WASHC5: variants seen among roughly 807,000 people sequenced by gnomAD.
WASHC5 encodes the protein WASH complex subunit 5.
WASHC5 carries 101 observed loss-of-function variants against 150.4 expected under a neutral mutation model. The observed-to-expected ratio is 0.67, with a 90% confidence interval of 0.57 to 0.79. WASHC5 has a LOEUF of 0.79. WASHC5 is among the 30% of genes least tolerant of loss of function. WASHC5 has a pLI of 0.00. For missense variants in WASHC5, 1,195 were observed against 1,396.3 expected (o/e 0.86, Z 2.30); for synonymous variants, 467 against 491.2 (o/e 0.95, Z 0.65).
Position 125,032,371 on chromosome 8 carries a change from C to T in WASHC5, c.3205G>A (p.Asp1069Asn), listed in dbSNP as rs1163071228. The change falls in exon 27 of 29, where the codon GAC becomes AAC. Residue 1069 changes from aspartate to asparagine, a missense_variant. Physicochemically the swap from Asp to Asn is conservative, Grantham distance 23. Around this residue, in one of 3 missense-constraint regions of WASHC5, gnomAD observed 997 missense variants for 1,168.1 expected, o/e 0.85. Coordinates refer to ENST00000318410, the MANE Select transcript of WASHC5 (RefSeq NM_014846.4). ...ACAAGTGGTGGCCAATCAACCGGGTCGGTCGGTTTTCGGCAGACCATTCCT... is the reference window on the plus strand; with the variant it reads ...ACAAGTGGTGGCCAATCAACCGGGTTGGTCGGTTTTCGGCAGACCATTCCT... ...NLGMVCRKPT[D>N]PVDWPPLVLG... 8.7e-6 allele frequency: 14 copies of T among 1,613,958 alleles called. No homozygotes were observed. In the East Asian group the frequency reaches 8.9e-5, roughly 10 times the overall value.
rs774756574 is a variant in WASHC5, at chr8:125,043,849, A to C, written c.2826T>G (p.Thr942=). The C allele has an allele frequency of 6.2e-7, 1 of 1,611,888 alleles. No homozygotes were observed. Among genetic ancestry groups the C allele is most frequent in the Non-Finnish European group, 8.5e-7 (1 of 1,177,958 alleles). Reference sequence around the variant, plus strand: ...CCTTCATTATAGCCTCGAGATACGCAGTCCAAATCTTCTGTGTTTTGGCAA... The same window carrying C: ...CCTTCATTATAGCCTCGAGATACGCCGTCCAAATCTTCTGTGTTTTGGCAA... The part of the protein sequence containing the change: ...SAIAKTQKIW[T]AYLEAIMKVG... The change falls in exon 23 of 29, where the codon ACT becomes ACG. Residue 942 remains threonine (T), a synonymous_variant. Transcript: ENST00000318410.
rs750813507 is a variant in WASHC5 at position 125,082,336 on chromosome 8, A to G, written c.417+47T>C. The G allele has an allele frequency of 3.8e-6, 4 of 1,042,700 alleles. No individual in the cohort carries two copies. The African/African-American group carries it at 6.3e-5, about 17-fold the overall frequency. 64.6% of individuals were successfully genotyped at this position (1,042,700 alleles called of 1,614,324 possible). On this transcript the variant is annotated intron_variant, in intron 4 of 28. Coordinates refer to ENST00000318410, the MANE Select transcript of WASHC5 (RefSeq NM_014846.4). ...ACTTAAAAGAAAAAAAAGTGATACTATGTTTGATATTCTTGAATTTCATTT... is the reference window on the plus strand; with the variant it reads ...ACTTAAAAGAAAAAAAAGTGATACTGTGTTTGATATTCTTGAATTTCATTT...
At chr8:125,060,860 C>T (rs1816573229) in intron 12 of WASHC5, among the ~76,000 whole-genome samples, 1 of 152,106 alleles carries the variant, frequency 6.6e-6, no homozygotes, top group South Asian at 2.1e-4. Context: ...TTACATGTTT[C>T]CTCAAGTTAC....
rs538554067 is a variant in WASHC5, at chr8:125,077,394, G to A, written c.712-894C>T. 2.0e-5 allele frequency among the ~76,000 whole-genome samples: 3 copies of A among 152,314 alleles called. No homozygotes were observed. The South Asian group carries it at 6.2e-4, about 32-fold the overall frequency. The stretch of plus-strand genomic sequence containing the variant: ...CAAACTCCCAATTTTGCATGTTGTG[G>A]ATAAACTCCAATCCAGAAACTGTTT... On this transcript the variant is annotated intron_variant, in intron 6 of 28. Transcript: ENST00000318410.
chr8:125,030,880 T>C (rs751905632), intron 27 of WASHC5, among the ~76,000 whole-genome samples: 7 of 151,982 alleles, frequency 4.6e-5, no homozygotes, highest in Non-Finnish European at 1.0e-4. Context: ...CGGGAACAGG[T>C]GGAAGGGGCT....
At chr8:125,077,832 T>C (rs2130186377) in intron 6 of WASHC5, among the ~76,000 whole-genome samples, 1 of 152,322 alleles carries the variant, frequency 6.6e-6, no homozygotes, top group East Asian at 1.9e-4. Context: ...GACTGAATTC[T>C]CAATGAATGG....
intron 6 of WASHC5, among the ~76,000 whole-genome samples, chr8:125,077,913 CAA>C (rs1379024411): frequency 2.6e-5 from 4 of 152,138 alleles, no homozygotes; most frequent in African/African-American, 9.7e-5. Flanking sequence ...ACAACAACAA[CAA>C]CACCACCAAC....
intron 9 of WASHC5, 51 bp from the exon 10 acceptor site, chr8:125,067,770 A>G (rs1234280338): frequency 1.9e-6 from 3 of 1,566,412 alleles, no homozygotes; most frequent in Non-Finnish European, 2.6e-6. Context: ...GAAAATATCT[A>G]TGAAATAAGA....
At chr8:125,043,928 C>A (rs1210306738) in intron 22 of WASHC5, 24 bp from the exon 23 acceptor site, 1 of 1,600,568 alleles carries the variant, frequency 6.2e-7, no homozygotes, top group African/African-American at 1.4e-5. Flanking sequence ...ACATAATTTT[C>A]TCTTTAGTAC....
In WASHC5 at chr8:125,083,830, A is replaced by G. The variant is rs1462402847; in HGVS notation, c.69T>C (p.Asn23=). 6 of 1,614,074 alleles carry G rather than the reference A, an allele frequency of 3.7e-6. No homozygotes were observed. The East Asian group carries it at 8.9e-5, about 24-fold the overall frequency. Residue 23 remains asparagine, a synonymous_variant, in exon 2 of 29, where the codon AAT becomes AAC. Coordinates refer to ENST00000318410, the MANE Select transcript of WASHC5 (RefSeq NM_014846.4). ...GTCTCAAAAGTTCAGCAATGATGGC[A>G]TTACCACAGGAAACAATCCTTAGGA... ...QAILRIVSCG[N]AIIAELLRLS...
At chr8:125,033,234 T>G (rs1586334264) in intron 26 of WASHC5, among the ~76,000 whole-genome samples, 1 of 152,144 alleles carries the variant, frequency 6.6e-6, no homozygotes, top group African/African-American at 2.4e-5. Flanking sequence ...CTATACAGTT[T>G]CAATAATTAA....
At chr8:125,029,562 A>G (rs1000322792) in intron 27 of WASHC5, among the ~76,000 whole-genome samples, 26 of 152,216 alleles carry the variant, frequency 1.7e-4, no homozygotes, top group African/African-American at 6.0e-4. Flanking sequence ...TGTGCTTGGC[A>G]TGTACTGCAT....
At chr8:125,024,968 GA>G (rs1815335157) in intron 28 of WASHC5, among the ~76,000 whole-genome samples, 1 of 152,044 alleles carries the variant, frequency 6.6e-6, no homozygotes, top group African/African-American at 2.4e-5. Flanking sequence ...TTGCCTCTGG[GA>G]AGTACTGACA....
intron 25 of WASHC5, among the ~76,000 whole-genome samples, chr8:125,038,022 C>T (rs991148182): frequency 6.6e-6 from 1 of 152,040 alleles, no homozygotes; most frequent in Non-Finnish European, 1.5e-5. Flanking sequence ...CTCTGAGCCT[C>T]GGGTTCCTCA....
intron 20 of WASHC5, among the ~76,000 whole-genome samples, chr8:125,046,647 T>C (rs1008706910): frequency 6.6e-6 from 1 of 152,180 alleles, no homozygotes; most frequent in African/African-American, 2.4e-5. Context: ...ATAATGCCTA[T>C]AAGATTGCTG....
chr8:125,082,243 C>A (rs1817285807), intron 4 of WASHC5, 140 bp downstream of exon 4: 1 of 635,484 alleles, frequency 1.6e-6, no homozygotes. Context: ...TATGGACCTG[C>A]CAGTTAGAAG....
chr8:125,081,857 T>C (rs1817275899), intron 4 of WASHC5, 96 bp from the exon 5 acceptor site: 1 of 788,582 alleles, frequency 1.3e-6, no homozygotes, highest in African/African-American at 1.7e-5. Context: ...TGCTCACACT[T>C]CTTCAAAAAG....
At chr8:125,039,694 A>C in intron 24 of WASHC5, 101 bp downstream of exon 24, 1 of 803,202 alleles carries the variant, frequency 1.2e-6, no homozygotes, top group Admixed American at 1.9e-5. Context: ...CAGACCTTCC[A>C]CCCAAAAATA....
intron 1 of WASHC5, among the ~76,000 whole-genome samples, chr8:125,090,114 A>G (rs2130251439): frequency 6.6e-6 from 1 of 152,358 alleles, no homozygotes; most frequent in Non-Finnish European, 1.5e-5. Flanking sequence ...TAGCTGAAAG[A>G]AGGAAATCAC....
Sources: gnomAD v4.1 joint callset for allele counts (sites outside exome capture counted in the v4.1 genomes callset) on GRCh38, gnomAD v4.1.1 for gene constraint, gnomAD v4.1.1 regional missense constraint, MANE v1.5 for transcripts, NCBI Gene and HGNC (gene_info 2026-07-23, HGNC 2026-07-21) for gene names.